The following PLEC variants were observed in gnomAD, a reference collection of about 807,000 sequenced individuals.
PLEC encodes plectin, also known as hemidesmosomal protein 1.
PLEC carries 216 observed loss-of-function variants against 392.8 expected under a neutral mutation model. That is an observed-to-expected ratio of 0.55 (90% confidence interval 0.49 to 0.62). The LOEUF is 0.62. Among genes scored for constraint, PLEC ranks in the 20% least tolerant of loss-of-function variants. The pLI is 0.00. For synonymous variants in PLEC, 3,621 were observed against 2,980.6 expected (o/e 1.21, Z -7.00); for missense variants, 6,863 against 6,563.4 (o/e 1.05, Z -1.58).
At chr8:143,975,484 C>G, upstream of PLEC, 1 of 909,868 alleles carries the variant, frequency 1.1e-6, no homozygotes, top group Admixed American at 2.0e-5. This position sits in a 1 kb window ranked among gnomAD's most constrained non-coding sequence, Gnocchi z 9.9. Context: ...CCCCACCCAG[C>G]CTCTCGCCTG....
rs141877944 is a variant in PLEC at position 143,934,933 on chromosome 8, C to A, written c.826-4G>T. The A allele has an allele frequency of 2.5e-6, 4 of 1,610,646 alleles. No individual in the cohort carries two copies. Among genetic ancestry groups the A allele is most frequent in the Admixed American group, 1.7e-5 (1 of 59,966 alleles). On this transcript the variant is annotated splice_polypyrimidine_tract_variant and splice_region_variant and intron_variant, in intron 8 of 31. Transcript: ENST00000345136. ...CCTGCCAGCGCAGCTGCAGCTCCTG[C>A]GGGCAGGCACGGGCGGCTGTCAGGG...
upstream of PLEC, among the ~76,000 whole-genome samples, chr8:143,942,875 G>A (rs1554729947): frequency 6.6e-6 from 1 of 152,256 alleles, no homozygotes; most frequent in Non-Finnish European, 1.5e-5. Context: ...GACAACGCTG[G>A]AGGCAGAACC....
intron 12 of PLEC, among the ~76,000 whole-genome samples, chr8:143,933,699 C>T (rs1587114858): frequency 6.6e-6 from 1 of 152,332 alleles, no homozygotes; most frequent in African/African-American, 2.4e-5. Context: ...GGGCCCTCCC[C>T]CAACCCCTCC....
upstream of PLEC, among the ~76,000 whole-genome samples, chr8:143,955,185 C>T (rs1190576119): frequency 6.6e-6 from 1 of 152,148 alleles, no homozygotes. Context: ...GGAATTAAAA[C>T]AGAATTTCAG....
rs782162297 is a variant in PLEC, at chr8:143,929,202, G to C, written c.3161C>G (p.Pro1054Arg). The change falls in exon 25 of 32, where the codon CCA (proline) becomes CGA (arginine). Residue 1054 changes from proline to arginine, a missense_variant. By Grantham distance (103) the Pro-to-Arg change is moderately radical (BLOSUM62 -2). Transcript: ENST00000345136. The stretch of plus-strand genomic sequence containing the variant: ...CGTGGGGGCCGCAGGCGATGGCTCT[G>C]GTAGGGCCAAGACCTTCTCGGCCTC... ...SAEAEKVLALPEPSPAAPTLR... is the reference protein window; with the variant it reads ...SAEAEKVLALREPSPAAPTLR... 1 of 1,602,522 alleles carries C rather than the reference G, an allele frequency of 6.2e-7. No individual in the cohort carries two copies. The highest frequency in any genetic ancestry group is 1.1e-5 in the South Asian group (1 of 89,802).
In PLEC at chr8:143,919,104, C is replaced by T. The variant is rs1554677172; in HGVS notation, c.10717G>A (p.Asp3573Asn). Residue 3573 changes from aspartate to asparagine, a missense_variant, in exon 32 of 32, where the codon GAC (aspartate) becomes AAC (asparagine). Physicochemically the swap from Asp to Asn is conservative, Grantham distance 23. Coordinates refer to ENST00000345136, the MANE Select transcript of PLEC (RefSeq NM_201384.3). ...TRRAFEETQI[D>N]IPGGGSHGGS... ...CCGTGGCTGCCGCCGCCGGGAATGT[C>T]GATCTGTGTCTCTTCAAATGCCCTT... 5.6e-6 allele frequency: 9 copies of T among 1,612,492 alleles called. No homozygotes were observed. The highest frequency in any genetic ancestry group is 2.2e-5 in the South Asian group (2 of 91,084).
chr8:143,928,873 C>T (rs569688695), intron 25 of PLEC, among the ~76,000 whole-genome samples: 1 of 152,168 alleles, frequency 6.6e-6, no homozygotes, highest in South Asian at 2.1e-4. Context: ...TCCCCACACC[C>T]GAATCTCATC....
At position 143,934,793 on chromosome 8, in the gene PLEC, C is replaced by T; in HGVS notation, c.945+17G>A. 1 of 1,611,698 alleles carries T rather than the reference C, an allele frequency of 6.2e-7. No homozygotes were observed. The highest frequency in any genetic ancestry group is 8.5e-7 in the Non-Finnish European group (1 of 1,179,802). ...CTCAGGGCAGGCCCAGGACCCCGCC[C>T]CCCACGGCAGGCCCACCTCAATCTC... On this transcript the variant is annotated intron_variant, in intron 9 of 31. Transcript: ENST00000345136.
At chr8:143,953,841 G>C (rs1444784017), upstream of PLEC, 4 of 1,594,416 alleles carry the variant, frequency 2.5e-6, no homozygotes, top group Admixed American at 1.7e-5. Flanking sequence ...CACTGCCCAG[G>C]CCAGCGCCGC....
At position 143,927,527 on chromosome 8, in the gene PLEC, G is replaced by C. The variant is rs782293819; in HGVS notation, c.3639C>G (p.Arg1213=). Residue 1213 remains arginine (R), a synonymous_variant, in exon 27 of 32, where the codon CGC becomes CGG. Transcript: ENST00000345136. ...EQLGRQLRYY[R]ESADPLGAWL... ...AGGCGCCCAAGGGGTCTGCACTCTC[G>C]CGGTAGTAACGCAGCTGGCGGCCCA... 1.9e-6 allele frequency: 3 copies of C among 1,597,394 alleles called. No homozygotes were observed. The highest frequency in any genetic ancestry group is 2.5e-6 in the Non-Finnish European group (3 of 1,179,014).
intron 18 of PLEC, 28 bp from the exon 19 acceptor site, chr8:143,931,687 G>C: frequency 1.9e-6 from 3 of 1,587,742 alleles, no homozygotes; most frequent in Non-Finnish European, 2.6e-6. Flanking sequence ...GGTCACGCCA[G>C]GCTACCTGGG....
At chr8:143,925,932 C>T (rs782061267) in intron 30 of PLEC, 48 bp from the exon 31 acceptor site, 63 of 1,521,128 alleles carry the variant, frequency 4.1e-5, no homozygotes, top group South Asian at 3.5e-4. Context: ...AGTGTGAACA[C>T]GGGCAGGCGC....
chr8:143,926,986 G>A lies in PLEC; in HGVS notation c.3936C>T (p.Val1312=). 6.2e-7 allele frequency: 1 copy of A among 1,612,942 alleles called. No homozygotes were observed. Among genetic ancestry groups the A allele is most frequent in the Non-Finnish European group, 8.5e-7 (1 of 1,179,742 alleles). The change falls in exon 29 of 32, where the codon GTC becomes GTT. Residue 1312 remains valine (V), a synonymous_variant. Coordinates refer to ENST00000345136, the MANE Select transcript of PLEC (RefSeq NM_201384.3). ...TTCGGCCCCACCCTACCTCCTGGATGACACTCTCTGATCCCGACTGGACCT... is the reference window on the plus strand; with the variant it reads ...TTCGGCCCCACCCTACCTCCTGGATAACACTCTCTGATCCCGACTGGACCT... ...KPKVQSGSES[V]IQEYVDLRTH...
At chr8:143,933,968 C>T (rs1296388367) in intron 12 of PLEC, 30 bp downstream of exon 12, 25 of 1,578,212 alleles carry the variant, frequency 1.6e-5, no homozygotes, top group Non-Finnish European at 2.1e-5. Context: ...GGCCTCCCTC[C>T]CGCCCACTGC....
upstream of PLEC, among the ~76,000 whole-genome samples, chr8:143,973,680 G>A (rs1564240252): frequency 6.7e-6 from 1 of 150,132 alleles, no homozygotes; most frequent in South Asian, 2.1e-4. The surrounding 1 kb of genome is among the most constrained non-coding windows in gnomAD (Gnocchi z 5.6). Context: ...CGGCGGGCCG[G>A]TTCCGCGGGC....
chr8:143,948,485 A>T (rs1554733375), intron 1 of PLEC, among the ~76,000 whole-genome samples: 2 of 151,916 alleles, frequency 1.3e-5, no homozygotes, highest in Non-Finnish European at 2.9e-5. Flanking sequence ...CCCACATCCG[A>T]GCCGCCTCCT....
chr8:143,975,461 G>C, upstream of PLEC: 1 of 1,137,438 alleles, frequency 8.8e-7, no homozygotes, highest in Non-Finnish European at 1.3e-6. The surrounding 1 kb of genome is among the most constrained non-coding windows in gnomAD (Gnocchi z 9.9). Flanking sequence ...TCTTAACCTA[G>C]ACACTGAACT....
chr8:143,924,888 C>G lies in PLEC; in HGVS notation c.5041G>C (p.Glu1681Gln), dbSNP rs782512430. The part of the protein sequence containing the change: ...REARRRGKAE[E>Q]QAVRQRELAE... Reference sequence around the variant, plus strand: ...AGCTCCCGCTGCCGGACGGCCTGCTCCTCCGCCTTGCCGCGCCGCCGCGCC... The same window carrying G: ...AGCTCCCGCTGCCGGACGGCCTGCTGCTCCGCCTTGCCGCGCCGCCGCGCC... Residue 1681 changes from glutamate (E) to glutamine (Q), a missense_variant, in exon 31 of 32, where the codon GAG (glutamate) becomes CAG (glutamine). By Grantham distance (29) the Glu-to-Gln change is conservative. Transcript: ENST00000345136. The G allele has an allele frequency of 1.3e-6, 2 of 1,589,696 alleles. No homozygotes were observed. Among genetic ancestry groups the G allele is most frequent in the Non-Finnish European group, 1.7e-6 (2 of 1,175,584 alleles).
In PLEC at chr8:143,934,798, C is replaced by G; in HGVS notation, c.945+12G>C. ...GGCAGGCCCAGGACCCCGCCCCCCA[C>G]GGCAGGCCCACCTCAATCTCCTCGA... On this transcript the variant is annotated intron_variant, in intron 9 of 31. Coordinates refer to ENST00000345136, the MANE Select transcript of PLEC (RefSeq NM_201384.3). 6.2e-7 allele frequency: 1 copy of G among 1,611,654 alleles called. No individual in the cohort carries two copies. Among genetic ancestry groups the G allele is most frequent in the Non-Finnish European group, 8.5e-7 (1 of 1,179,814 alleles).
Sources: gnomAD v4.1 joint callset for allele counts (sites outside exome capture counted in the v4.1 genomes callset) on GRCh38, gnomAD v4.1.1 for gene constraint, Gnocchi (gnomAD v3.1) non-coding constraint, MANE v1.5 for transcripts, NCBI Gene and HGNC (gene_info 2026-07-23, HGNC 2026-07-21) for gene names.